PACRG: variants seen among roughly 807,000 people sequenced by gnomAD.
PACRG encodes parkin coregulated.
PACRG carries 29 observed loss-of-function variants against 29.7 expected under a neutral mutation model. The observed-to-expected ratio is 0.98, with a 90% confidence interval of 0.73 to 1.33. The LOEUF (loss-of-function observed/expected upper bound fraction) is 1.33. PACRG is among the 40% of genes most tolerant of loss of function. The pLI, the probability that PACRG is intolerant of heterozygous loss-of-function variation, is 0.00. For synonymous variants in PACRG, 116 were observed against 118.7 expected, an observed-to-expected ratio of 0.98 and a Z score of 0.15; for missense variants, 279 against 316.2, an observed-to-expected ratio of 0.88 and a Z score of 0.89.
intron 2 of PACRG, among the ~76,000 whole-genome samples, chr6:162,820,401 A>T (rs1031880802): frequency 9.9e-5 from 15 of 152,184 alleles, no homozygotes; most frequent in Non-Finnish European, 2.2e-4. Context: ...ATAATTTCCT[A>T]GTAGGAAAAA....
At chr6:163,265,220 T>C (rs1440772734) in intron 4 of PACRG, among the ~76,000 whole-genome samples, 1 of 152,212 alleles carries the variant, frequency 6.6e-6, no homozygotes, top group African/African-American at 2.4e-5. Flanking sequence ...CCGACCCTGA[T>C]AGGCTTACAG....
upstream of PACRG, chr6:162,727,709 C>A (rs1174302901): frequency 2.6e-6 from 4 of 1,558,018 alleles, no homozygotes; most frequent in East Asian, 4.9e-5. Context: ...GGAACAGGCC[C>A]ATGCGCGCAG....
chr6:163,129,197 GGGTCT>G (rs1816634803), intron 4 of PACRG, among the ~76,000 whole-genome samples: 3 of 152,194 alleles, frequency 2.0e-5, no homozygotes, highest in Admixed American at 2.0e-4. Context: ...AGTTGGGGAA[GGGTCT>G]GGAATTTGCA....
At chr6:163,040,783 G>A (rs998343416) in intron 2 of PACRG, among the ~76,000 whole-genome samples, 6 of 152,194 alleles carry the variant, frequency 3.9e-5, no homozygotes, top group African/African-American at 1.4e-4. Flanking sequence ...CCCAATGCCT[G>A]TACCCCCATT....
intron 4 of PACRG, among the ~76,000 whole-genome samples, chr6:163,228,040 A>G (rs1218104753): frequency 6.6e-6 from 1 of 152,232 alleles, no homozygotes; most frequent in East Asian, 1.9e-4. Context: ...GCATGAGTTC[A>G]GAGTCTGGAA....
In PACRG at chr6:162,885,510, A is replaced by G. The variant is rs1017236451; in HGVS notation, c.291+71229A>G. 6.2e-5 allele frequency among the ~76,000 whole-genome samples: 9 copies of G among 145,068 alleles called. No individual in the cohort carries two copies. The South Asian group carries it at 1.9e-3, about 31-fold the overall frequency. The stretch of plus-strand genomic sequence containing the variant: ...GATCTCGAACTCCTGACCTCAAGCC[A>G]TCTGCCTTCCTCGGCCTCCCAAAGT... On this transcript the variant is annotated intron_variant, in intron 2 of 4. Transcript: ENST00000366888.
intron 4 of PACRG, among the ~76,000 whole-genome samples, chr6:163,120,672 T>C (rs1472165763): frequency 6.6e-6 from 1 of 152,282 alleles, no homozygotes; most frequent in Non-Finnish European, 1.5e-5. Context: ...CTTTTGTTTT[T>C]GGTTTTTCTT....
intron 4 of PACRG, among the ~76,000 whole-genome samples, chr6:163,154,609 G>A (rs528601124): frequency 1.3e-5 from 2 of 152,194 alleles, no homozygotes; most frequent in African/African-American, 4.8e-5. Flanking sequence ...CATGTGCTAT[G>A]TAGGACTGCC....
chr6:162,870,241 G>T (rs1792685662), intron 2 of PACRG, among the ~76,000 whole-genome samples: 1 of 152,196 alleles, frequency 6.6e-6, no homozygotes, highest in Admixed American at 6.5e-5. Flanking sequence ...ACTGCTTAAT[G>T]ATTACCAAGC....
At chr6:162,731,887 C>T (rs1779797403) in intron 1 of PACRG, among the ~76,000 whole-genome samples, 1 of 152,014 alleles carries the variant, frequency 6.6e-6, no homozygotes. Flanking sequence ...AATAGAAGTT[C>T]AATTTTGTAG....
intron 4 of PACRG, among the ~76,000 whole-genome samples, chr6:163,203,192 C>T (rs529937526): frequency 6.6e-6 from 1 of 152,244 alleles, no homozygotes; most frequent in East Asian, 1.9e-4. Flanking sequence ...GCAGGCAGAT[C>T]ACCTGAGGTC....
chr6:162,749,919 A>G (rs776056459), intron 1 of PACRG, among the ~76,000 whole-genome samples: 5 of 152,222 alleles, frequency 3.3e-5, no homozygotes, highest in Non-Finnish European at 7.4e-5. Flanking sequence ...TATATATGCT[A>G]TTAAATACAT....
chr6:162,875,064 T>C (rs952793406), intron 2 of PACRG, among the ~76,000 whole-genome samples: 2 of 151,984 alleles, frequency 1.3e-5, no homozygotes, highest in African/African-American at 4.8e-5. Flanking sequence ...CACACATGCA[T>C]TCACACCCTC....
At chr6:163,073,705 G>A (rs1223644026) in intron 3 of PACRG, among the ~76,000 whole-genome samples, 1 of 152,194 alleles carries the variant, frequency 6.6e-6, no homozygotes, top group East Asian at 1.9e-4. Flanking sequence ...TTAACAGCTA[G>A]AATGTATTAG....
At chr6:163,013,842 C>T (rs1805837815) in intron 2 of PACRG, among the ~76,000 whole-genome samples, 1 of 150,082 alleles carries the variant, frequency 6.7e-6, no homozygotes, top group African/African-American at 2.5e-5. Context: ...AATATAATTG[C>T]TTTAAAATTA....
Position 162,931,141 on chromosome 6 carries a change from T to G in PACRG, c.291+116860T>G, listed in dbSNP as rs529967269. On this transcript the variant is annotated intron_variant, in intron 2 of 4. Transcript: ENST00000366888. ...CAAAAAATTTTTGAAGAGTTTCTGTTTAATTGTTTTAACCAATTTTTGATT... is the reference window on the plus strand; with the variant it reads ...CAAAAAATTTTTGAAGAGTTTCTGTGTAATTGTTTTAACCAATTTTTGATT... Among the ~76,000 whole-genome samples the G allele has an allele frequency of 2.0e-5, 3 of 151,840 alleles. No homozygotes were observed. The South Asian group carries it at 6.2e-4, about 31-fold the overall frequency.
At chr6:162,859,962 T>C (rs1196992601) in intron 2 of PACRG, among the ~76,000 whole-genome samples, 1 of 151,990 alleles carries the variant, frequency 6.6e-6, no homozygotes, top group Non-Finnish European at 1.5e-5. Flanking sequence ...CCGCCATGAC[T>C]CTTGTAGCTG....
At chr6:163,074,360 G>A (rs977149583) in intron 3 of PACRG, among the ~76,000 whole-genome samples, 9 of 152,112 alleles carry the variant, frequency 5.9e-5, no homozygotes, top group African/African-American at 2.2e-4. Context: ...TTATTTTGGG[G>A]TGCTCAAAAT....
intron 4 of PACRG, among the ~76,000 whole-genome samples, chr6:163,122,561 T>G (rs1816334935): frequency 1.3e-5 from 2 of 152,156 alleles, no homozygotes; most frequent in African/African-American, 4.8e-5. Context: ...GCTCTCTCGC[T>G]TCCTCTCTTG....
Sources: allele counts gnomAD v4.1 joint callset (sites outside exome capture counted in the v4.1 genomes callset), GRCh38; gene constraint gnomAD v4.1.1; transcripts MANE v1.5; gene names NCBI Gene and HGNC (gene_info 2026-07-23, HGNC 2026-07-21).